Variants in HDAC9 observed in about 807,000 individuals in gnomAD.
HDAC9 encodes histone deacetylase 9.
HDAC9 carries 41 observed loss-of-function variants against 139.4 expected under a neutral mutation model. The observed-to-expected ratio is 0.29, with a 90% CI of 0.23 to 0.38. The LOEUF is 0.38. HDAC9 is among the 10% of genes least tolerant of loss of function. The probability of loss-of-function intolerance (pLI) is 1.00; values close to 1 mark genes in which losing one functional copy is unlikely to be tolerated. For missense variants in HDAC9, 1,147 were observed against 1,297.0 expected (o/e 0.88, Z 1.78); for synonymous variants, 517 against 476.2 (o/e 1.09, Z -1.12).
At chr7:18,861,717 A>G (rs556826569) in intron 21 of HDAC9, among the ~76,000 whole-genome samples, 1 of 152,230 alleles carries the variant, frequency 6.6e-6, no homozygotes, top group South Asian at 2.1e-4. Flanking sequence ...GCCTTCAAAT[A>G]TCATTATTTT....
chr7:18,756,834 A>ACCT (rs1788920386), intron 14 of HDAC9, among the ~76,000 whole-genome samples: 1 of 151,502 alleles, frequency 6.6e-6, no homozygotes, highest in Non-Finnish European at 1.5e-5. Context: ...CTGTTAGGCC[A>ACCT]CCTGCCTGCT....
chr7:18,344,259 C>T (rs550329945), intron 1 of HDAC9, among the ~76,000 whole-genome samples: 1 of 151,860 alleles, frequency 6.6e-6, no homozygotes, highest in Admixed American at 6.6e-5. Context: ...AATAAGATAT[C>T]AGAGGTATTA....
chr7:18,528,915 A>G (rs1807861016), intron 2 of HDAC9, among the ~76,000 whole-genome samples: 1 of 152,156 alleles, frequency 6.6e-6, no homozygotes, highest in African/African-American at 2.4e-5. Context: ...GGAACCACAT[A>G]AGTAAAAAAC....
intron 1 of HDAC9, among the ~76,000 whole-genome samples, chr7:18,490,321 G>C (rs1176706350): frequency 6.6e-6 from 1 of 151,964 alleles, no homozygotes; most frequent in African/African-American, 2.4e-5. Context: ...AGGTGATTTT[G>C]ATCCTCTGTA....
chr7:18,647,071 G>A (rs1300068778), intron 9 of HDAC9, among the ~76,000 whole-genome samples: 1 of 152,118 alleles, frequency 6.6e-6, no homozygotes, highest in African/African-American at 2.4e-5. Context: ...TAGAAGCCAT[G>A]TAGAGAAAGG....
intron 1 of HDAC9, among the ~76,000 whole-genome samples, chr7:18,483,090 C>T (rs769227989): frequency 1.2e-4 from 19 of 152,024 alleles, no homozygotes; most frequent in South Asian, 6.2e-4. Flanking sequence ...CAGTAAATTA[C>T]GCTTTATATA....
At chr7:18,718,208 G>C (rs148178953) in intron 12 of HDAC9, among the ~76,000 whole-genome samples, 1 of 151,928 alleles carries the variant, frequency 6.6e-6, no homozygotes, top group Non-Finnish European at 1.5e-5. Flanking sequence ...TATGTAAATC[G>C]TATTGTATGG....
chr7:18,653,724 A>C (rs1790124720), intron 11 of HDAC9, among the ~76,000 whole-genome samples: 1 of 152,200 alleles, frequency 6.6e-6, no homozygotes, highest in Non-Finnish European at 1.5e-5. Context: ...TCTGACAAGC[A>C]AGGCATGAAT....
intron 2 of HDAC9, among the ~76,000 whole-genome samples, chr7:18,172,875 G>A (rs1788560362): frequency 1.3e-5 from 2 of 152,188 alleles, no homozygotes; most frequent in African/African-American, 4.8e-5. Context: ...TTCCAACTGT[G>A]TGGTCAGTTT....
chr7:18,702,153 A>G (rs1345152977), intron 12 of HDAC9, among the ~76,000 whole-genome samples: 1 of 152,200 alleles, frequency 6.6e-6, no homozygotes, highest in Non-Finnish European at 1.5e-5. Context: ...GAAAAGGGAC[A>G]GGCTGTCGCT....
rs1213797779 is a variant in HDAC9, at chr7:18,748,898, T to G, written c.1910-107T>G. On this transcript the variant is annotated intron_variant, in intron 13 of 25. Transcript: ENST00000686413. ...TGTGATATTTCCTCCTTTGTTAAAT[T>G]TATTTTAAGAATAATGACTTTTTTG... 24 of 1,072,774 alleles carry G rather than the reference T, an allele frequency of 2.2e-5. No individual in the cohort carries two copies. In the Middle Eastern group the frequency reaches 8.3e-4, roughly 37 times the overall value. 66.5% of individuals were successfully genotyped at this position (1,072,774 alleles called of 1,614,324 possible). A position where few individuals can be genotyped will look rare whatever the true frequency, so the allele number is the denominator to read the frequency against.
intron 19 of HDAC9, among the ~76,000 whole-genome samples, chr7:18,830,656 A>T (rs1048290165): frequency 6.6e-6 from 1 of 152,176 alleles, no homozygotes; most frequent in Non-Finnish European, 1.5e-5. Context: ...GAAGAACGAT[A>T]CCCATTTGTT....
intron 2 of HDAC9, among the ~76,000 whole-genome samples, chr7:18,244,708 G>A (rs2128192629): frequency 6.6e-6 from 1 of 152,258 alleles, no homozygotes; most frequent in Middle Eastern, 3.4e-3. Flanking sequence ...TGAGGCGGGA[G>A]AATGGCGTGA....
At chr7:18,673,605 G>A (rs1008594996) in intron 12 of HDAC9, among the ~76,000 whole-genome samples, 2 of 151,828 alleles carry the variant, frequency 1.3e-5, no homozygotes, top group South Asian at 2.1e-4. Flanking sequence ...GTGGCTATTC[G>A]AAAAGAATAT....
intron 12 of HDAC9, among the ~76,000 whole-genome samples, chr7:18,683,955 A>C (rs1782072386): frequency 6.6e-6 from 1 of 151,966 alleles, no homozygotes; most frequent in Non-Finnish European, 1.5e-5. Flanking sequence ...TTACTTTTTA[A>C]AATCAAAACT....
chr7:18,248,098 A>C (rs558639157), intron 2 of HDAC9, among the ~76,000 whole-genome samples: 2 of 152,198 alleles, frequency 1.3e-5, no homozygotes, highest in Non-Finnish European at 2.9e-5. Flanking sequence ...TAAGTACATA[A>C]AAATGTATTA....
chr7:18,355,291 C>T (rs1783167235), intron 1 of HDAC9, among the ~76,000 whole-genome samples: 1 of 151,356 alleles, frequency 6.6e-6, no homozygotes, highest in Admixed American at 6.6e-5. Flanking sequence ...ATTTTTACCA[C>T]AAAGGATGGT....
intron 24 of HDAC9, among the ~76,000 whole-genome samples, chr7:18,965,952 G>A (rs1402896089): frequency 2.0e-5 from 3 of 152,206 alleles, no homozygotes; most frequent in Admixed American, 1.3e-4. Flanking sequence ...GTCAGCCACA[G>A]ACAGTCTTGG....
chr7:18,618,044 T>C lies in HDAC9; in HGVS notation c.665-11306T>C, dbSNP rs551670008. The stretch of plus-strand genomic sequence containing the variant: ...TTATTTTAATTCTTGTGGAATGAAA[T>C]GACTTGCTAGAGGATGATTTTGCAA... On this transcript the variant is annotated intron_variant, in intron 6 of 25. Transcript: ENST00000686413. Among the ~76,000 whole-genome samples the C allele has an allele frequency of 9.8e-4, 150 of 152,298 alleles. 3 individuals carry two copies. The South Asian group carries it at 0.013, about 13-fold the overall frequency.
Sources: allele counts gnomAD v4.1 joint callset (sites outside exome capture counted in the v4.1 genomes callset), GRCh38; gene constraint gnomAD v4.1.1; transcripts MANE v1.5; gene names NCBI Gene and HGNC (gene_info 2026-07-23, HGNC 2026-07-21).